The following ZSWIM6 variants were observed in gnomAD, a reference collection of about 807,000 sequenced individuals.
ZSWIM6 encodes the protein zinc finger SWIM-type containing 6, also known as zinc finger SWIM domain-containing protein 6.
In ZSWIM6, 9 loss-of-function variants were observed where a neutral mutation model predicts 113.2. The ratio of observed to expected loss-of-function variants is 0.08; its 90% CI spans 0.05 to 0.14. The LOEUF (loss-of-function observed/expected upper bound fraction) is 0.14. ZSWIM6 is among the 10% of genes least tolerant of loss of function. The pLI, the probability that ZSWIM6 is intolerant of heterozygous loss-of-function variation, is 1.00. For missense variants in ZSWIM6, 1,162 were observed against 1,552.2 expected, an observed-to-expected ratio of 0.75 and a Z score of 4.22; for synonymous variants, 611 against 606.5, an observed-to-expected ratio of 1.01 and a Z score of -0.11.
chr5:61,480,585 C>A (rs1226861058), intron 2 of ZSWIM6, among the ~76,000 whole-genome samples: 1 of 152,158 alleles, frequency 6.6e-6, no homozygotes, highest in African/African-American at 2.4e-5. Context: ...CTGGCTGTTT[C>A]AACTACAACA....
chr5:61,500,768 T>TG (rs1171007503), intron 4 of ZSWIM6, among the ~76,000 whole-genome samples: 15 of 152,174 alleles, frequency 9.9e-5, no homozygotes, highest in African/African-American at 3.6e-4. Context: ...TGCTGTAGTA[T>TG]GGGGTACTAC....
intron 1 of ZSWIM6, among the ~76,000 whole-genome samples, chr5:61,337,824 TG>T (rs896390843): frequency 6.6e-6 from 1 of 152,174 alleles, no homozygotes; most frequent in African/African-American, 2.4e-5. Context: ...TCAAGGTTTT[TG>T]GGGGGGACTT....
intron 1 of ZSWIM6, among the ~76,000 whole-genome samples, chr5:61,433,635 G>C (rs764065534): frequency 6.6e-6 from 1 of 151,982 alleles, no homozygotes; most frequent in Non-Finnish European, 1.5e-5. Flanking sequence ...ACCATGCCCG[G>C]CTAATTTTTT....
chr5:61,356,521 A>G (rs1219210682), intron 1 of ZSWIM6, among the ~76,000 whole-genome samples: 1 of 151,260 alleles, frequency 6.6e-6, no homozygotes, highest in Non-Finnish European at 1.5e-5. Flanking sequence ...AAAAACTGCA[A>G]TTACTTTTGC....
intron 4 of ZSWIM6, among the ~76,000 whole-genome samples, chr5:61,503,126 T>C (rs1748518257): frequency 6.6e-6 from 1 of 152,214 alleles, no homozygotes; most frequent in African/African-American, 2.4e-5. Context: ...TATAACACTG[T>C]TTTCATGTTT....
rs572906455 is a variant in ZSWIM6 at position 61,421,451 on chromosome 5, A to T, written c.677-51230A>T. Among the ~76,000 whole-genome samples, 3 of 152,162 alleles carry T rather than the reference A, an allele frequency of 2.0e-5. No homozygotes were observed. In the South Asian group the frequency reaches 6.2e-4, roughly 32 times the overall value. ...GCACATGATAGGATCTCATTTTTTC[A>T]TGGCTGTATAGTATTCCATTGTGCA... On this transcript the variant is annotated intron_variant, in intron 1 of 13. Transcript: ENST00000252744.
intron 1 of ZSWIM6, among the ~76,000 whole-genome samples, chr5:61,414,432 T>A (rs1746207517): frequency 1.3e-5 from 2 of 152,200 alleles, no homozygotes; most frequent in Admixed American, 1.3e-4. Flanking sequence ...GGTTTAGTTT[T>A]GGACCTGAGT....
At chr5:61,449,435 G>A (rs149928226) in intron 1 of ZSWIM6, among the ~76,000 whole-genome samples, 5 of 152,182 alleles carry the variant, frequency 3.3e-5, no homozygotes, top group African/African-American at 1.2e-4. Flanking sequence ...TTACCATGTT[G>A]CCCAGGCTGT....
At chr5:61,533,001 A>C (rs558102367) in intron 9 of ZSWIM6, among the ~76,000 whole-genome samples, 3 of 152,334 alleles carry the variant, frequency 2.0e-5, no homozygotes, top group Non-Finnish European at 4.4e-5. Flanking sequence ...TGTGATTTTC[A>C]AAGTTGATAG....
At chr5:61,368,825 G>T (rs1045319035) in intron 1 of ZSWIM6, among the ~76,000 whole-genome samples, 1 of 152,194 alleles carries the variant, frequency 6.6e-6, no homozygotes, top group African/African-American at 2.4e-5. Flanking sequence ...AAATGAGAAT[G>T]TCCTTCACCT....
At chr5:61,379,427 T>C (rs1232620713) in intron 1 of ZSWIM6, among the ~76,000 whole-genome samples, 4 of 152,140 alleles carry the variant, frequency 2.6e-5, no homozygotes, top group Non-Finnish European at 5.9e-5. Flanking sequence ...TGCACTGAAG[T>C]AGACTGTCAT....
rs540939652 is a variant in ZSWIM6 at position 61,463,959 on chromosome 5, G to A, written c.677-8722G>A. On this transcript the variant is annotated intron_variant, in intron 1 of 13. Coordinates refer to ENST00000252744, the MANE Select transcript of ZSWIM6 (RefSeq NM_020928.2). ...CCTAGCAGAGTTTACTCAAGTGTCTGGATCTGTTAGTTTGCCTCTCCTTCA... is the reference window on the plus strand; with the variant it reads ...CCTAGCAGAGTTTACTCAAGTGTCTAGATCTGTTAGTTTGCCTCTCCTTCA... Among the ~76,000 whole-genome samples, 115 of 151,952 alleles carry A rather than the reference G, an allele frequency of 7.6e-4. 1 individual carries two copies. Among genetic ancestry groups the A allele is most frequent in the Middle Eastern group, 6.8e-3 (2 of 294 alleles).
intron 8 of ZSWIM6, among the ~76,000 whole-genome samples, chr5:61,530,979 G>T (rs562179053): frequency 6.6e-6 from 1 of 152,260 alleles, no homozygotes; most frequent in South Asian, 2.1e-4. Context: ...ACAAGAGAAT[G>T]TTCAAAGAAT....
At chr5:61,410,599 T>C (rs7727824) in intron 1 of ZSWIM6, among the ~76,000 whole-genome samples, 53,890 of 152,022 alleles carry the variant, frequency 0.35, 9,730 homozygotes, top group African/African-American at 0.41. Context: ...TGAGCCACCG[T>C]GCCCGGCGAT....
At chr5:61,388,075 C>T (rs1276227526) in intron 1 of ZSWIM6, among the ~76,000 whole-genome samples, 4 of 150,422 alleles carry the variant, frequency 2.7e-5, no homozygotes, top group Non-Finnish European at 4.4e-5. Context: ...CTCCGCCTCT[C>T]GGGCTGAAGT....
intron 1 of ZSWIM6, among the ~76,000 whole-genome samples, chr5:61,437,559 T>C (rs1746736100): frequency 6.6e-6 from 1 of 151,612 alleles, no homozygotes; most frequent in Admixed American, 6.6e-5. Flanking sequence ...CTGGTCTCTA[T>C]AAAAAATACA....
At chr5:61,524,136 G>A (rs1262770562) in intron 5 of ZSWIM6, among the ~76,000 whole-genome samples, 2 of 152,196 alleles carry the variant, frequency 1.3e-5, no homozygotes, top group African/African-American at 4.8e-5. Flanking sequence ...ACACTTATGT[G>A]AGGCTTGGAC....
rs1267530710 is a variant in ZSWIM6, at chr5:61,472,620, A to T, written c.677-61A>T. The T allele has an allele frequency of 3.9e-6, 5 of 1,285,104 alleles. No homozygotes were observed. Among genetic ancestry groups the T allele is most frequent in the Non-Finnish European group, 5.2e-6 (5 of 954,044 alleles). 79.6% of individuals were successfully genotyped at this position (1,285,104 alleles called of 1,614,324 possible). Reference sequence around the variant, plus strand: ...AGTCCCACACATTTCAAAGAATTAGAGCATTTCATAGCATCTGAATGCAGA... The same window carrying T: ...AGTCCCACACATTTCAAAGAATTAGTGCATTTCATAGCATCTGAATGCAGA... On this transcript the variant is annotated intron_variant, in intron 1 of 13. Transcript: ENST00000252744. The surrounding 1 kb of genome is among the most constrained non-coding windows in gnomAD (Gnocchi z 4.1).
intron 1 of ZSWIM6, among the ~76,000 whole-genome samples, chr5:61,402,254 A>G (rs745423416): frequency 2.0e-5 from 3 of 152,188 alleles, no homozygotes; most frequent in Non-Finnish European, 2.9e-5. Flanking sequence ...AAAGATGACT[A>G]TGAAAATTTT....
Sources: gnomAD v4.1 joint callset for allele counts (sites outside exome capture counted in the v4.1 genomes callset) on GRCh38, gnomAD v4.1.1 for gene constraint, Gnocchi (gnomAD v3.1) non-coding constraint, MANE v1.5 for transcripts, NCBI Gene and HGNC (gene_info 2026-07-23, HGNC 2026-07-21) for gene names.